The following TEK variants were observed in gnomAD, a reference collection of about 807,000 sequenced individuals.
The protein encoded by TEK is angiopoietin-1 receptor.
TEK carries 43 observed loss-of-function variants against 131.8 expected under a neutral mutation model. The observed-to-expected ratio is 0.33, with a 90% CI of 0.26 to 0.42. The LOEUF is 0.42. Ranked by LOEUF, TEK falls within the 10% of genes least tolerant of loss-of-function variation. The pLI, the probability that TEK is intolerant of heterozygous loss-of-function variation, is 1.00. For missense variants in TEK, 1,162 were observed against 1,384.4 expected (o/e 0.84, Z 2.55); for synonymous variants, 580 against 491.6 (o/e 1.18, Z -2.38).
chr9:27,154,368 T>A (rs2131112097), intron 1 of TEK, among the ~76,000 whole-genome samples: 1 of 152,294 alleles, frequency 6.6e-6, no homozygotes, highest in East Asian at 1.9e-4. Flanking sequence ...ATTACAGGCA[T>A]GAGCCACCGC....
rs1057067878 is a variant in TEK, at chr9:27,202,967, A to G, written c.2057A>G (p.Asp686Gly). ...VQGKNEDQHV[D>G]VKIKNATITQ... ...GGCAAGAATGAAGACCAGCACGTTG[A>G]TGTGAAGATAAAGAATGCCACCATC... Residue 686 changes from aspartate to glycine, a missense_variant, in exon 13 of 23, where the codon GAT (aspartate) becomes GGT (glycine). This residue lies in a region of TEK where 477 missense variants were observed against 471.0 expected (regional missense o/e 1.01). Transcript: ENST00000380036. 6.2e-7 allele frequency: 1 copy of G among 1,613,998 alleles called. No individual in the cohort carries two copies. The highest frequency in any genetic ancestry group is 8.5e-7 in the Non-Finnish European group (1 of 1,180,010).
intron 12 of TEK, chr9:27,198,283 T>C (rs1056310333): frequency 1.3e-5 from 2 of 159,096 alleles, no homozygotes; most frequent in South Asian, 1.8e-4. Flanking sequence ...GTCAGGATCA[T>C]GTGGTCTATG....
chr9:27,140,743 A>G lies in TEK; in HGVS notation c.53-17088A>G, dbSNP rs7867637. Among the ~76,000 whole-genome samples the G allele has an allele frequency of 5.4e-3, 818 of 152,118 alleles. 8 individuals carry two copies. Among genetic ancestry groups the G allele is most frequent in the African/African-American group, 0.019 (777 of 41,524 alleles). ...TGTGGTGCTATCTTCTAAAACTATT[A>G]TGTTTTCCTTACATTTTTTTGCTTT... On this transcript the variant is annotated intron_variant, in intron 1 of 22. Transcript: ENST00000380036.
intron 21 of TEK, among the ~76,000 whole-genome samples, chr9:27,225,064 C>T (rs1369858534): frequency 6.6e-6 from 1 of 152,102 alleles, no homozygotes; most frequent in East Asian, 1.9e-4. Context: ...TGTGAAGGAC[C>T]TCTTCAAGGA....
At chr9:27,148,796 T>C (rs986183493) in intron 1 of TEK, among the ~76,000 whole-genome samples, 3 of 152,250 alleles carry the variant, frequency 2.0e-5, no homozygotes, top group Non-Finnish European at 2.9e-5. Flanking sequence ...TTATGAAATT[T>C]CTTTATATGT....
Position 27,173,071 on chromosome 9 carries a change from G to C in TEK, c.761-151G>C, listed in dbSNP as rs533416424. On this transcript the variant is annotated intron_variant, in intron 5 of 22. Transcript: ENST00000380036. Reference sequence around the variant, plus strand: ...GGGGCAGTTTCATTATCAGTAAAATGGGCCATAAGGGTATGTTCATCCTAC... The same window carrying C: ...GGGGCAGTTTCATTATCAGTAAAATCGGCCATAAGGGTATGTTCATCCTAC... The C allele has an allele frequency of 3.3e-5, 32 of 969,408 alleles. No individual in the cohort carries two copies. In the South Asian group the frequency reaches 4.4e-4, roughly 13 times the overall value. The allele number at this position is 969,408 out of a possible 1,614,324, so 60.1% of individuals were successfully genotyped here.
intron 21 of TEK, among the ~76,000 whole-genome samples, chr9:27,225,691 A>G (rs1387113641): frequency 6.6e-6 from 1 of 152,208 alleles, no homozygotes; most frequent in African/African-American, 2.4e-5. Context: ...AGACTTCATG[A>G]CTAAAACACC....
chr9:27,191,880 TACCAAG>T, intron 10 of TEK: 2 of 449,098 alleles, frequency 4.5e-6, no homozygotes, highest in Admixed American at 2.5e-5. Flanking sequence ...TTTTTTTTCT[TACCAAG>T]TAGGAATTTA....
At chr9:27,228,423 T>C (rs559065285) in intron 22 of TEK, 118 bp downstream of exon 22, 56 of 814,228 alleles carry the variant, frequency 6.9e-5, no homozygotes, top group South Asian at 5.8e-5. Flanking sequence ...CTAAGTATTA[T>C]AGAAACAAAG....
At chr9:27,111,552 T>G (rs1821348587) in intron 1 of TEK, among the ~76,000 whole-genome samples, 2 of 151,710 alleles carry the variant, frequency 1.3e-5, no homozygotes. Flanking sequence ...AAAAAGCCAC[T>G]TTTTTTTAGT....
intron 3 of TEK, among the ~76,000 whole-genome samples, chr9:27,169,126 A>T (rs3818283): frequency 5.3e-5 from 8 of 152,020 alleles, no homozygotes; most frequent in Non-Finnish European, 4.4e-5. Flanking sequence ...GCGATTATAG[A>T]TATCTCCTGG....
intron 1 of TEK, among the ~76,000 whole-genome samples, chr9:27,137,453 TAGCTTA>T (rs1822506485): frequency 9.3e-6 from 1 of 107,416 alleles, no homozygotes; most frequent in Non-Finnish European, 2.1e-5. Context: ...AGAATTCTAC[TAGCTTA>T]AAAGAATAGA....
At chr9:27,157,690 G>A (rs550977532) in intron 1 of TEK, 141 bp from the exon 2 acceptor site, 16 of 1,022,590 alleles carry the variant, frequency 1.6e-5, no homozygotes, top group South Asian at 1.4e-5. Flanking sequence ...TTTGTCCAGT[G>A]GAAGATAGGC....
chr9:27,160,279 C>T (rs1564067746), intron 2 of TEK, among the ~76,000 whole-genome samples: 2 of 152,094 alleles, frequency 1.3e-5, no homozygotes, highest in East Asian at 1.9e-4. Flanking sequence ...CCCACTATGG[C>T]CTCTCAAAGT....
intron 6 of TEK, among the ~76,000 whole-genome samples, chr9:27,173,630 G>T (rs756406249): frequency 6.6e-5 from 10 of 151,948 alleles, no homozygotes; most frequent in Non-Finnish European, 1.3e-4. Context: ...ATGGACTGGG[G>T]CCCGAGGTTC....
chr9:27,226,947 G>T (rs969781357), intron 21 of TEK, among the ~76,000 whole-genome samples: 1 of 152,144 alleles, frequency 6.6e-6, no homozygotes, highest in Non-Finnish European at 1.5e-5. Flanking sequence ...GAGTGAAGGA[G>T]GGTGTTAATC....
intron 1 of TEK, among the ~76,000 whole-genome samples, chr9:27,136,313 C>A (rs1214286121): frequency 1.3e-5 from 2 of 152,100 alleles, no homozygotes; most frequent in Non-Finnish European, 2.9e-5. Flanking sequence ...AACACCTGAA[C>A]TCGTGATCCA....
At chr9:27,188,059 G>A (rs569563095) in intron 9 of TEK, among the ~76,000 whole-genome samples, 15 of 152,112 alleles carry the variant, frequency 9.9e-5, no homozygotes, top group East Asian at 1.9e-4. Flanking sequence ...ATTAATTTCC[G>A]CAACAGTATG....
chr9:27,206,917 C>A, intron 15 of TEK, 125 bp downstream of exon 15: 1 of 1,046,072 alleles, frequency 9.6e-7, no homozygotes, highest in Non-Finnish European at 1.4e-6. Context: ...CTGTTATTTG[C>A]AACTGAAGGT....
Sources: allele counts gnomAD v4.1 joint callset (sites outside exome capture counted in the v4.1 genomes callset), GRCh38; gene constraint gnomAD v4.1.1; regional missense constraint gnomAD v4.1.1; transcripts MANE v1.5; gene names NCBI Gene and HGNC (gene_info 2026-07-23, HGNC 2026-07-21).